The following PPP1R9A variants were observed in gnomAD, a reference collection of about 807,000 sequenced individuals.
PPP1R9A encodes protein phosphatase 1 regulatory subunit 9A, also known as neurabin-1.
A neutral mutation model predicts 141.9 loss-of-function variants in PPP1R9A; 59 were observed. The ratio of observed to expected loss-of-function variants is 0.42; its 90% CI spans 0.34 to 0.52. PPP1R9A has a LOEUF of 0.52. Ranked by LOEUF, PPP1R9A falls within the 20% of genes least tolerant of loss-of-function variation. The pLI is 0.10. For synonymous variants in PPP1R9A, 500 were observed against 569.7 expected (o/e 0.88, Z 1.74); for missense variants, 1,444 against 1,611.9 (o/e 0.90, Z 1.78).
intron 2 of PPP1R9A, among the ~76,000 whole-genome samples, chr7:95,020,623 C>A (rs1364860686): frequency 3.3e-5 from 5 of 152,110 alleles, no homozygotes; most frequent in Non-Finnish European, 5.9e-5. Flanking sequence ...CCACCAGCCC[C>A]CATCCTGTCC....
chr7:94,999,435 C>T (rs1243880769), intron 2 of PPP1R9A, among the ~76,000 whole-genome samples: 1 of 152,188 alleles, frequency 6.6e-6, no homozygotes, highest in African/African-American at 2.4e-5. Flanking sequence ...TTCATCTCTT[C>T]AGTCTACTGG....
At chr7:95,262,532 G>A (rs547412823) in intron 12 of PPP1R9A, among the ~76,000 whole-genome samples, 1 of 152,218 alleles carries the variant, frequency 6.6e-6, no homozygotes, top group East Asian at 1.9e-4. Context: ...TTTCTGACTG[G>A]TAGTCACTGC....
intron 4 of PPP1R9A, among the ~76,000 whole-genome samples, chr7:95,130,059 G>T (rs1824304767): frequency 6.6e-6 from 1 of 152,190 alleles, no homozygotes; most frequent in African/African-American, 2.4e-5. Flanking sequence ...CAAGTAATAA[G>T]TAGCTGAGTG....
At chr7:95,026,888 G>T (rs1352078735) in intron 2 of PPP1R9A, among the ~76,000 whole-genome samples, 2 of 152,082 alleles carry the variant, frequency 1.3e-5, no homozygotes, top group Non-Finnish European at 2.9e-5. Flanking sequence ...CACTGTGAGG[G>T]GAAAACCACG....
intron 6 of PPP1R9A, among the ~76,000 whole-genome samples, chr7:95,200,172 T>C (rs1458666058): frequency 6.6e-6 from 1 of 151,888 alleles, no homozygotes; most frequent in East Asian, 1.9e-4. Flanking sequence ...TTTAAGGCAC[T>C]CCAAGTAAAA....
At position 95,293,382 on chromosome 7, in the gene PPP1R9A, C is replaced by G. The variant is rs1005242422; in HGVS notation, c.*3079C>G. On this transcript the variant is annotated 3_prime_UTR_variant, in exon 20 of 20. Coordinates refer to ENST00000433360, the MANE Select transcript of PPP1R9A (RefSeq NM_001166160.2). ...CCATTCTAACACTCCTGATGAAGTCCCCCTTTAGTTTCATGACAATAAAGC... is the reference window on the plus strand; with the variant it reads ...CCATTCTAACACTCCTGATGAAGTCGCCCTTTAGTTTCATGACAATAAAGC... The G allele has an allele frequency of 6.6e-6, 1 of 152,078 alleles. No homozygotes were observed. The highest frequency in any genetic ancestry group is 1.9e-4 in the East Asian group (1 of 5,188). The allele number at this position is 152,078 out of a possible 1,614,324, so 9.4% of individuals were successfully genotyped here.
In PPP1R9A at chr7:95,108,335, A is replaced by G. The variant is rs1457454473; in HGVS notation, c.1396-2924A>G. Among the ~76,000 whole-genome samples the G allele has an allele frequency of 6.7e-4, 5 of 7,422 alleles. No individual in the cohort carries two copies. The Admixed American group carries it at 7.0e-3, about 10-fold the overall frequency. The allele number at this position is 7,422 out of a possible 152,430, so 4.9% of individuals were successfully genotyped here. On this transcript the variant is annotated intron_variant, in intron 2 of 19. Coordinates refer to ENST00000433360, the MANE Select transcript of PPP1R9A (RefSeq NM_001166160.2). ...TTTTTTTTTTTTTTTTTTTTTTTTG[A>G]GACAGTCTCGCTCTGTCACCCAGGC...
chr7:95,078,426 T>C (rs1247954677), intron 2 of PPP1R9A, among the ~76,000 whole-genome samples: 2 of 151,750 alleles, frequency 1.3e-5, no homozygotes, highest in Non-Finnish European at 2.9e-5. Flanking sequence ...TTGTGAATAG[T>C]GCCGCAATAA....
In PPP1R9A at chr7:95,218,537, C is replaced by T. The variant is rs570714885; in HGVS notation, c.1957-7424C>T. 1.6e-3 allele frequency among the ~76,000 whole-genome samples: 240 copies of T among 152,202 alleles called. 1 individual carries two copies. The highest frequency in any genetic ancestry group is 0.01 in the Middle Eastern group (3 of 294). ...CTGGATATCCTTGTTAACTTTCTGT[C>T]TCGTTGATCTGTCTAATGTTGACAG... On this transcript the variant is annotated intron_variant, in intron 7 of 19. Coordinates refer to ENST00000433360, the MANE Select transcript of PPP1R9A (RefSeq NM_001166160.2).
At chr7:95,142,699 A>T (rs955029480) in intron 4 of PPP1R9A, among the ~76,000 whole-genome samples, 1 of 152,018 alleles carries the variant, frequency 6.6e-6, no homozygotes, top group Non-Finnish European at 1.5e-5. Flanking sequence ...GACAAGATTA[A>T]TTTTTTTAAT....
intron 4 of PPP1R9A, among the ~76,000 whole-genome samples, chr7:95,131,945 G>C (rs770994481): frequency 2.0e-5 from 3 of 152,012 alleles, no homozygotes; most frequent in Non-Finnish European, 4.4e-5. Context: ...CATTTTGTGT[G>C]TGTGTTATTG....
intron 5 of PPP1R9A, among the ~76,000 whole-genome samples, chr7:95,165,331 A>G (rs1831078015): frequency 3.9e-5 from 6 of 152,212 alleles, no homozygotes; most frequent in African/African-American, 1.4e-4. Context: ...CACCAGTTTT[A>G]GGGAAATGTA....
At chr7:94,926,594 A>T (rs185703800) in intron 2 of PPP1R9A, among the ~76,000 whole-genome samples, 1 of 152,302 alleles carries the variant, frequency 6.6e-6, no homozygotes, top group East Asian at 1.9e-4. Flanking sequence ...TAACTAAAAA[A>T]TTTGAATTAT....
intron 7 of PPP1R9A, among the ~76,000 whole-genome samples, chr7:95,206,264 C>A (rs1413023996): frequency 6.6e-6 from 1 of 152,070 alleles, no homozygotes; most frequent in African/African-American, 2.4e-5. Flanking sequence ...GATGGTAAAG[C>A]TGCTTTATCA....
At chr7:95,171,173 C>T (rs1832053378) in intron 5 of PPP1R9A, among the ~76,000 whole-genome samples, 1 of 151,284 alleles carries the variant, frequency 6.6e-6, no homozygotes, top group Admixed American at 6.6e-5. Context: ...CACAGGGGAA[C>T]AAAAAATGAA....
At chr7:94,913,536 C>G (rs965635731) in intron 2 of PPP1R9A, among the ~76,000 whole-genome samples, 1 of 152,090 alleles carries the variant, frequency 6.6e-6, no homozygotes, top group East Asian at 1.9e-4. Context: ...AACAGGACTT[C>G]TTGGAGTGGA....
At chr7:94,943,317 A>T (rs1795541745) in intron 2 of PPP1R9A, among the ~76,000 whole-genome samples, 1 of 152,208 alleles carries the variant, frequency 6.6e-6, no homozygotes, top group Admixed American at 6.5e-5. Flanking sequence ...CTCCTAAAAG[A>T]TTGTTGGCAC....
At chr7:94,990,412 C>A (rs796810819) in intron 2 of PPP1R9A, among the ~76,000 whole-genome samples, 18 of 152,100 alleles carry the variant, frequency 1.2e-4, no homozygotes, top group African/African-American at 4.3e-4. Flanking sequence ...GAGTTGTTCA[C>A]CATTTCTCTC....
At chr7:95,037,914 G>C (rs888565660) in intron 2 of PPP1R9A, among the ~76,000 whole-genome samples, 2 of 150,682 alleles carry the variant, frequency 1.3e-5, no homozygotes, top group Non-Finnish European at 2.9e-5. Flanking sequence ...AGACCAGCCT[G>C]GGCAATATAG....
Sources: gnomAD v4.1 joint callset for allele counts (sites outside exome capture counted in the v4.1 genomes callset) on GRCh38, gnomAD v4.1.1 for gene constraint, MANE v1.5 for transcripts, NCBI Gene and HGNC (gene_info 2026-07-23, HGNC 2026-07-21) for gene names.